The following SORCS2 variants were observed in gnomAD, a reference collection of about 807,000 sequenced individuals.
SORCS2 encodes sortilin related VPS10 domain containing receptor 2.
SORCS2 carries 100 observed loss-of-function variants against 141.6 expected under a neutral mutation model. The ratio of observed to expected loss-of-function variants is 0.71; its 90% CI spans 0.60 to 0.83. The LOEUF is 0.83. Ranked by LOEUF, SORCS2 falls within the 40% of genes least tolerant of loss-of-function variation. The pLI is 0.00. For missense variants in SORCS2, 1,646 were observed against 1,560.2 expected (o/e 1.05, Z -0.93); for synonymous variants, 789 against 676.9 (o/e 1.17, Z -2.57).
chr4:7,399,680 G>C (rs6852520), intron 2 of SORCS2, among the ~76,000 whole-genome samples: 22,338 of 152,140 alleles, frequency 0.15, 1,772 homozygotes, highest in Non-Finnish European at 0.18. Flanking sequence ...TGCAGGGCGT[G>C]CTCCTCCACG....
At chr4:7,344,605 T>C (rs963668970) in intron 1 of SORCS2, among the ~76,000 whole-genome samples, 1 of 152,068 alleles carries the variant, frequency 6.6e-6, no homozygotes, top group Non-Finnish European at 1.5e-5. Context: ...TGGGAGAGGA[T>C]AGGGCAGTTT....
At chr4:7,230,676 G>A (rs952382774) in intron 1 of SORCS2, among the ~76,000 whole-genome samples, 2 of 94,398 alleles carry the variant, frequency 2.1e-5, no homozygotes, top group African/African-American at 7.4e-5. Context: ...TCAAGTCTTC[G>A]AGTCTCTGGG....
intron 1 of SORCS2, among the ~76,000 whole-genome samples, chr4:7,294,516 GCCCCAGGGAGCTCCTCC>G (rs1466417891): frequency 1.3e-5 from 2 of 151,680 alleles, no homozygotes; most frequent in African/African-American, 4.8e-5. Context: ...CCTCCTCCAT[GCCCCAGGGAGCTCCTCC>G]TCCATGCCCC....
intron 1 of SORCS2, among the ~76,000 whole-genome samples, chr4:7,338,944 G>T (rs908972735): frequency 2.6e-5 from 4 of 152,150 alleles, no homozygotes; most frequent in Non-Finnish European, 2.9e-5. Flanking sequence ...GGGAGCTGTT[G>T]GTCTTTACAG....
At chr4:7,474,913 G>A (rs548761384) in intron 2 of SORCS2, among the ~76,000 whole-genome samples, 1 of 152,124 alleles carries the variant, frequency 6.6e-6, no homozygotes. Flanking sequence ...TGGTGGCCCT[G>A]GCAGTCTGTG....
chr4:7,224,070 G>C (rs1038815097), intron 1 of SORCS2, among the ~76,000 whole-genome samples: 1 of 152,210 alleles, frequency 6.6e-6, no homozygotes, highest in Non-Finnish European at 1.5e-5. Flanking sequence ...GGGCTGGTGG[G>C]GGAAGGCTGT....
At chr4:7,343,565 G>A (rs934669168) in intron 1 of SORCS2, among the ~76,000 whole-genome samples, 4 of 152,232 alleles carry the variant, frequency 2.6e-5, no homozygotes, top group Non-Finnish European at 2.9e-5. Flanking sequence ...CGTAAGTGCA[G>A]GCGGGAAGCT....
At chr4:7,349,050 C>T (rs1310667403) in intron 1 of SORCS2, among the ~76,000 whole-genome samples, 2 of 152,184 alleles carry the variant, frequency 1.3e-5, no homozygotes, top group African/African-American at 4.8e-5. Context: ...TTGATGGCTA[C>T]CAAGGGGGAA....
intron 1 of SORCS2, among the ~76,000 whole-genome samples, chr4:7,275,218 G>A (rs927316741): frequency 3.5e-4 from 54 of 152,242 alleles, no homozygotes; most frequent in African/African-American, 1.3e-3. Flanking sequence ...GCATCTGGCA[G>A]GCACCCACTC....
intron 1 of SORCS2, among the ~76,000 whole-genome samples, chr4:7,351,440 GTCT>G (rs1295871967): frequency 6.6e-6 from 1 of 152,098 alleles, no homozygotes; most frequent in East Asian, 1.9e-4. Flanking sequence ...TCTCCACACT[GTCT>G]TCTTCTGTCT....
At chr4:7,248,474 C>G (rs950604965) in intron 1 of SORCS2, among the ~76,000 whole-genome samples, 1 of 152,138 alleles carries the variant, frequency 6.6e-6, no homozygotes, top group South Asian at 2.1e-4. Context: ...ATGACCTTTC[C>G]GTGCCAGTGT....
chr4:7,265,913 G>T (rs1240093882), intron 1 of SORCS2, among the ~76,000 whole-genome samples: 1 of 152,092 alleles, frequency 6.6e-6, no homozygotes, highest in African/African-American at 2.4e-5. Flanking sequence ...ATTCAGCCCA[G>T]GACCAGGGCT....
At chr4:7,425,196 G>C (rs748900798) in intron 2 of SORCS2, among the ~76,000 whole-genome samples, 5 of 152,180 alleles carry the variant, frequency 3.3e-5, no homozygotes, top group African/African-American at 4.8e-5. Context: ...CTCCGTTTTC[G>C]GTTTTGCTGA....
At chr4:7,628,184 A>G (rs1282338159) in intron 3 of SORCS2, among the ~76,000 whole-genome samples, 3 of 152,202 alleles carry the variant, frequency 2.0e-5, no homozygotes, top group African/African-American at 7.2e-5. Context: ...ATCAGCACAC[A>G]GAACAGAACA....
intron 9 of SORCS2, 27 bp downstream of exon 9, chr4:7,676,256 G>C (rs1433426180): frequency 6.5e-7 from 1 of 1,545,100 alleles, no homozygotes; most frequent in South Asian, 1.2e-5. Context: ...TGTGGGCCAG[G>C]TCTGCCGCCG....
At chr4:7,556,868 T>C (rs1160915065) in intron 3 of SORCS2, among the ~76,000 whole-genome samples, 1 of 139,572 alleles carries the variant, frequency 7.2e-6, no homozygotes, top group Non-Finnish European at 1.5e-5. Context: ...TCACCCACCA[T>C]CCATCCATCC....
At chr4:7,677,166 G>A (rs10017018) in intron 9 of SORCS2, among the ~76,000 whole-genome samples, 2,100 of 152,168 alleles carry the variant, frequency 0.014, 46 homozygotes, top group African/African-American at 0.048. Flanking sequence ...CTCAGTTGCC[G>A]TCTGAGCTCA....
At chr4:7,561,735 C>A (rs1011977186) in intron 3 of SORCS2, among the ~76,000 whole-genome samples, 1 of 152,154 alleles carries the variant, frequency 6.6e-6, no homozygotes, top group African/African-American at 2.4e-5. Flanking sequence ...ATCCATCCAT[C>A]CACCTACTCA....
At chr4:7,343,095 C>A (rs1720454879) in intron 1 of SORCS2, among the ~76,000 whole-genome samples, 1 of 152,208 alleles carries the variant, frequency 6.6e-6, no homozygotes, top group Non-Finnish European at 1.5e-5. Flanking sequence ...TGATCCTCTG[C>A]CTGTGTTCTT....
Sources: allele counts gnomAD v4.1 joint callset (sites outside exome capture counted in the v4.1 genomes callset), GRCh38; gene constraint gnomAD v4.1.1; transcripts MANE v1.5; gene names NCBI Gene and HGNC (gene_info 2026-07-23, HGNC 2026-07-21).